The following PRKCA variants were observed in gnomAD, a reference collection of about 807,000 sequenced individuals.
PRKCA encodes the protein protein kinase C alpha.
PRKCA carries 27 observed loss-of-function variants against 87.0 expected under a neutral mutation model. The observed-to-expected ratio is 0.31, with a 90% CI of 0.23 to 0.43. The LOEUF is 0.43. PRKCA is among the 20% of genes least tolerant of loss of function. PRKCA has a pLI of 1.00. For missense variants in PRKCA, 518 were observed against 852.3 expected, an observed-to-expected ratio of 0.61 and a Z score of 4.88; for synonymous variants, 329 against 311.1, an observed-to-expected ratio of 1.06 and a Z score of -0.61.
At chr17:66,547,472 A>G (rs758059941) in intron 3 of PRKCA, among the ~76,000 whole-genome samples, 1 of 152,092 alleles carries the variant, frequency 6.6e-6, no homozygotes, top group Non-Finnish European at 1.5e-5. Flanking sequence ...TCACTGTTCC[A>G]TGAATGTACA....
At chr17:66,688,851 C>G (rs1451038680) in intron 7 of PRKCA, 100 bp from the exon 8 acceptor site, 2 of 732,640 alleles carry the variant, frequency 2.7e-6, no homozygotes, top group Non-Finnish European at 4.8e-6. Context: ...CTGGCTGTAG[C>G]CTCTCCGTAG....
At chr17:66,483,942 G>A (rs929384794) in intron 2 of PRKCA, among the ~76,000 whole-genome samples, 6 of 151,984 alleles carry the variant, frequency 3.9e-5, no homozygotes, top group Admixed American at 6.6e-5. Context: ...GTATTAGTCC[G>A]TTTTCATGCT....
intron 15 of PRKCA, among the ~76,000 whole-genome samples, chr17:66,788,022 T>A (rs1225985506): frequency 1.3e-5 from 2 of 152,260 alleles, no homozygotes; most frequent in African/African-American, 4.8e-5. Context: ...TTCTGGGGCA[T>A]GTGTTTTGGT....
intron 2 of PRKCA, among the ~76,000 whole-genome samples, chr17:66,358,315 G>A (rs1396179222): frequency 1.3e-5 from 2 of 152,128 alleles, no homozygotes; most frequent in African/African-American, 4.8e-5. Context: ...TGAATAATAA[G>A]TGTCATTCTT....
intron 3 of PRKCA, among the ~76,000 whole-genome samples, chr17:66,517,037 G>A (rs1966990050): frequency 6.6e-6 from 1 of 152,168 alleles, no homozygotes; most frequent in African/African-American, 2.4e-5. Context: ...TGTAATCCCA[G>A]CACTTTGGGA....
chr17:66,459,698 C>G (rs59060141), intron 2 of PRKCA, among the ~76,000 whole-genome samples: 2,236 of 152,216 alleles, frequency 0.015, 49 homozygotes, highest in African/African-American at 0.05. Flanking sequence ...TTCTCTTTAT[C>G]GTTACTGTGT....
chr17:66,520,135 T>G (rs1052529794), intron 3 of PRKCA, among the ~76,000 whole-genome samples: 1 of 151,442 alleles, frequency 6.6e-6, no homozygotes, highest in Non-Finnish European at 1.5e-5. Context: ...ATTTTTTTTT[T>G]TTTTTTTTTT....
At chr17:66,793,603 A>C (rs1037003246) in intron 16 of PRKCA, among the ~76,000 whole-genome samples, 35 of 151,344 alleles carry the variant, frequency 2.3e-4, no homozygotes, top group African/African-American at 7.8e-4. Context: ...AAAAAAAAAA[A>C]AAAAAAAAAA....
At chr17:66,596,585 T>TTA (rs1471236377) in intron 3 of PRKCA, among the ~76,000 whole-genome samples, 2 of 149,314 alleles carry the variant, frequency 1.3e-5, no homozygotes, top group African/African-American at 5.0e-5. Context: ...TTTTTTTTTT[T>TTA]TTTTTTTATT....
At chr17:66,605,317 A>G (rs1020234168) in intron 3 of PRKCA, among the ~76,000 whole-genome samples, 5 of 152,206 alleles carry the variant, frequency 3.3e-5, no homozygotes, top group African/African-American at 1.2e-4. Flanking sequence ...GTGGGACTCC[A>G]AAGCTGGTGC....
At chr17:66,652,738 G>A (rs920398247) in intron 5 of PRKCA, among the ~76,000 whole-genome samples, 36 of 152,120 alleles carry the variant, frequency 2.4e-4, no homozygotes, top group Non-Finnish European at 2.6e-4. Flanking sequence ...TCAGTTGATC[G>A]TATTTAAATG....
intron 2 of PRKCA, among the ~76,000 whole-genome samples, chr17:66,439,764 G>A (rs1913623468): frequency 1.3e-5 from 2 of 152,138 alleles, no homozygotes; most frequent in Admixed American, 1.3e-4. Context: ...GCTGATGTTC[G>A]TTTTGGCAAG....
chr17:66,393,815 T>C (rs1910507475), intron 2 of PRKCA, among the ~76,000 whole-genome samples: 1 of 152,172 alleles, frequency 6.6e-6, no homozygotes, highest in Non-Finnish European at 1.5e-5. Context: ...GGCTCACTTC[T>C]GTAATTCCAG....
chr17:66,730,934 C>T (rs1172265778), intron 8 of PRKCA, among the ~76,000 whole-genome samples: 1 of 152,184 alleles, frequency 6.6e-6, no homozygotes, highest in Non-Finnish European at 1.5e-5. Flanking sequence ...AGTAAAGCCC[C>T]TTGAGTGCCT....
rs1036660695 is a variant in PRKCA, at chr17:66,515,621, C to T, written c.288+19338C>T. On this transcript the variant is annotated intron_variant, in intron 3 of 16. Transcript: ENST00000413366. ...GCAGTGGGGTGGTCACAGCTCACTG[C>T]GGCCTCAATTCTCTGGGCTCAGGTG... is the stretch of plus-strand genomic sequence containing the variant. 9.9e-5 allele frequency among the ~76,000 whole-genome samples: 15 copies of T among 152,094 alleles called. No individual in the cohort carries two copies. In the South Asian group the frequency reaches 1.0e-3, roughly 11 times the overall value.
chr17:66,355,424 G>A (rs28592028), intron 2 of PRKCA, among the ~76,000 whole-genome samples: 2 of 152,212 alleles, frequency 1.3e-5, no homozygotes, highest in African/African-American at 4.8e-5. Flanking sequence ...AGCTCCTGAG[G>A]TATTTCTGCA....
At chr17:66,475,078 G>A (rs1915483127) in intron 2 of PRKCA, among the ~76,000 whole-genome samples, 1 of 152,146 alleles carries the variant, frequency 6.6e-6, no homozygotes. Flanking sequence ...TCAGGTATTT[G>A]CAGACAGCTA....
At chr17:66,437,788 T>C (rs541064582) in intron 2 of PRKCA, among the ~76,000 whole-genome samples, 81 of 135,694 alleles carry the variant, frequency 6.0e-4, no homozygotes, top group African/African-American at 2.2e-3. Flanking sequence ...CAAAAATGAG[T>C]TGGATATTTC....
intron 3 of PRKCA, among the ~76,000 whole-genome samples, chr17:66,533,706 A>T (rs6504442): frequency 3.4e-5 from 4 of 118,578 alleles, no homozygotes; most frequent in African/African-American, 1.4e-4. Context: ...TGCCGCCCCC[A>T]CTGGCCAGGC....
Sources: gnomAD v4.1 joint callset for allele counts (sites outside exome capture counted in the v4.1 genomes callset) on GRCh38, gnomAD v4.1.1 for gene constraint, MANE v1.5 for transcripts, NCBI Gene and HGNC (gene_info 2026-07-23, HGNC 2026-07-21) for gene names.